PPP6R3: variants seen among roughly 807,000 people sequenced by gnomAD.
PPP6R3 encodes protein phosphatase 6 regulatory subunit 3, also known as serine/threonine-protein phosphatase 6 regulatory subunit 3.
A neutral mutation model predicts 110.7 loss-of-function variants in PPP6R3; 38 were observed. The observed-to-expected ratio is 0.34, with a 90% CI of 0.26 to 0.45. The LOEUF is 0.45. Among genes scored for constraint, PPP6R3 ranks in the 20% least tolerant of loss-of-function variants. The pLI is 1.00. For missense variants in PPP6R3, 870 were observed against 1,062.4 expected (o/e 0.82, Z 2.52); for synonymous variants, 369 against 373.5 (o/e 0.99, Z 0.14).
chr11:68,615,158 G>C lies in PPP6R3; in HGVS notation c.*2041G>C. 2.2e-6 allele frequency: 1 copy of C among 450,094 alleles called. No homozygotes were observed. The highest frequency in any genetic ancestry group is 4.5e-6 in the Non-Finnish European group (1 of 222,330). The allele number at this position is 450,094 out of a possible 1,614,324, so 27.9% of individuals were successfully genotyped here. ...AAAGGATATGACAATGGGGAGGACAGTTCTTTTGGAGGTTGGAGGGGCCAA... is the reference window on the plus strand; with the variant it reads ...AAAGGATATGACAATGGGGAGGACACTTCTTTTGGAGGTTGGAGGGGCCAA... On this transcript the variant is annotated 3_prime_UTR_variant, in exon 24 of 24. Transcript: ENST00000393800.
intron 2 of PPP6R3, among the ~76,000 whole-genome samples, chr11:68,533,191 G>A (rs973926469): frequency 1.3e-5 from 2 of 152,136 alleles, no homozygotes; most frequent in African/African-American, 4.8e-5. Flanking sequence ...ACACATAGAA[G>A]CGAAGGCCCA....
chr11:68,612,801 G>A (rs1030857024), intron 23 of PPP6R3: 13 of 517,382 alleles, frequency 2.5e-5, no homozygotes, highest in Non-Finnish European at 3.9e-5. Context: ...CTTGGAGGCC[G>A]CGGTGGGGCG....
At chr11:68,558,472 T>C in intron 7 of PPP6R3, 94 bp from the exon 8 acceptor site, 1 of 751,438 alleles carries the variant, frequency 1.3e-6, no homozygotes, top group East Asian at 2.6e-5. Context: ...GTATGAACTC[T>C]TCAGTGATGC....
In PPP6R3 at chr11:68,498,331, C is replaced by G. The variant is rs145029446; in HGVS notation, c.-157-21170C>G. Reference sequence around the variant, plus strand: ...TACCCAGCTCTAACAACCATACACTCAAGGCCAGTCTTGTCCCACTTAACT... The same window carrying G: ...TACCCAGCTCTAACAACCATACACTGAAGGCCAGTCTTGTCCCACTTAACT... On this transcript the variant is annotated intron_variant, in intron 1 of 23. Coordinates refer to ENST00000393800, the MANE Select transcript of PPP6R3 (RefSeq NM_001164161.2). 4.1e-3 allele frequency among the ~76,000 whole-genome samples: 630 copies of G among 152,302 alleles called. 2 individuals carry two copies. The highest frequency in any genetic ancestry group is 0.015 in the African/African-American group (603 of 41,568).
In PPP6R3 at chr11:68,506,414, C is replaced by CAAAAAAAAAAAAAAAAAAAAA. The variant is rs67739319; in HGVS notation, c.-157-13073_-157-13053dup. Among the ~76,000 whole-genome samples the CAAAAAAAAAAAAAAAAAAAAA allele has an allele frequency of 3.3e-4, 15 of 46,072 alleles. 1 individual carries two copies. The highest frequency in any genetic ancestry group is 4.3e-4 in the Non-Finnish European group (10 of 23,482). The allele number at this position is 46,072 out of a possible 152,430, so 30.2% of individuals were successfully genotyped here. On this transcript the variant is annotated intron_variant, in intron 1 of 23. Transcript: ENST00000393800. ...ACTGCTGCACCCAGCCCTTTATACT[C>CAAAAAAAAAAAAAAAAAAAAA]AAAAAAAAAAAAAAAAAAAAAAAAA...
In PPP6R3 at chr11:68,600,316, A is replaced by G. The variant is rs555592868; in HGVS notation, c.2039-25A>G. On this transcript the variant is annotated intron_variant, in intron 19 of 23. Coordinates refer to ENST00000393800, the MANE Select transcript of PPP6R3 (RefSeq NM_001164161.2). ...CATGAAACGACTGAAGTGTTTTCCA[A>G]ATAGAATTTCTCCCCTCTTTTTAGC... 42 of 1,607,704 alleles carry G rather than the reference A, an allele frequency of 2.6e-5. No individual in the cohort carries two copies. The African/African-American group carries it at 5.2e-4, about 20-fold the overall frequency.
rs556224456 is a variant in PPP6R3 at position 68,523,513 on chromosome 11, TG to T, written c.-7+3863del. On this transcript the variant is annotated intron_variant, in intron 2 of 23. Transcript: ENST00000393800. Reference sequence around the variant, plus strand: ...TATGGTCCTTTTTTTGTGTTGTTTTTGTGAGTCCCCCTCCTCCCCACCCACC... The same window carrying T: ...TATGGTCCTTTTTTTGTGTTGTTTTTTGAGTCCCCCTCCTCCCCACCCACC... Among the ~76,000 whole-genome samples, 667 of 152,288 alleles carry T rather than the reference TG, an allele frequency of 4.4e-3. 15 individuals carry two copies. The highest frequency in any genetic ancestry group is 1.1e-3 in the Non-Finnish European group (75 of 68,034).
At position 68,615,089 on chromosome 11, in the gene PPP6R3, A is replaced by ACTT. The variant is rs1386009898; in HGVS notation, c.*1973_*1975dup. 2.1e-6 allele frequency: 1 copy of ACTT among 467,482 alleles called. No individual in the cohort carries two copies. The highest frequency in any genetic ancestry group is 2.3e-5 in the Admixed American group (1 of 42,896). 29.0% of individuals were successfully genotyped at this position (467,482 alleles called of 1,614,324 possible). A position where few individuals can be genotyped will look rare whatever the true frequency, so the allele number is the denominator to read the frequency against. ...TGACTGCTGGGAGAGAGCCTCTGGGACTTTTCTTTGGGGCATCATTTTGTT... is the reference window on the plus strand; with the variant it reads ...TGACTGCTGGGAGAGAGCCTCTGGGACTTCTTTTCTTTGGGGCATCATTTTGTT... On this transcript the variant is annotated 3_prime_UTR_variant, in exon 24 of 24. Coordinates refer to ENST00000393800, the MANE Select transcript of PPP6R3 (RefSeq NM_001164161.2).
chr11:68,603,525 A>G (rs2099638202), intron 22 of PPP6R3, 33 bp downstream of exon 22: 1 of 1,613,458 alleles, frequency 6.2e-7, no homozygotes, highest in Non-Finnish European at 8.5e-7. Context: ...TGGTAGCTTC[A>G]GGTTATTGGG....
intron 1 of PPP6R3, among the ~76,000 whole-genome samples, chr11:68,474,445 C>T (rs941698195): frequency 6.6e-6 from 1 of 152,026 alleles, no homozygotes; most frequent in African/African-American, 2.4e-5. Flanking sequence ...AAAAGAAATG[C>T]TGTATTTTTC....
intron 1 of PPP6R3, among the ~76,000 whole-genome samples, chr11:68,512,373 C>A (rs534347286): frequency 6.6e-6 from 1 of 152,088 alleles, no homozygotes; most frequent in Non-Finnish European, 1.5e-5. Flanking sequence ...GTCTGGAGCA[C>A]CATAATCCCA....
chr11:68,546,804 G>C (rs536036277), intron 4 of PPP6R3, among the ~76,000 whole-genome samples: 6 of 152,266 alleles, frequency 3.9e-5, no homozygotes, highest in African/African-American at 1.4e-4. Context: ...GTGCTGTACT[G>C]TCCACCACAC....
chr11:68,478,647 G>GTTTTTTTTTTTTGT (rs2098861342), intron 1 of PPP6R3, among the ~76,000 whole-genome samples: 1 of 50,506 alleles, frequency 2.0e-5, no homozygotes, highest in African/African-American at 9.7e-5. Context: ...CACTTGGTAA[G>GTTTTTTTTTTTTGT]TTTTTTTTTT....
chr11:68,495,442 A>T (rs1315660759), intron 1 of PPP6R3, among the ~76,000 whole-genome samples: 5 of 152,146 alleles, frequency 3.3e-5, no homozygotes, highest in Non-Finnish European at 2.9e-5. Context: ...CACTTAGAAT[A>T]TTTTCATTAT....
Position 68,614,589 on chromosome 11 carries a change from C to CAA in PPP6R3, c.*1472_*1473insAA. The CAA allele has an allele frequency of 6.7e-7, 1 of 1,502,204 alleles. No homozygotes were observed. The highest frequency in any genetic ancestry group is 8.8e-7 in the Non-Finnish European group (1 of 1,134,234). The allele number at this position is 1,502,204 out of a possible 1,614,324, so 93.1% of individuals were successfully genotyped here. On this transcript the variant is annotated 3_prime_UTR_variant, in exon 24 of 24. Coordinates refer to ENST00000393800, the MANE Select transcript of PPP6R3 (RefSeq NM_001164161.2). ...TGCATATGGAAATAAAAGAATCAAA[C>CAA]GTCTAATGCCTTATTATTTCTGATT...
chr11:68,615,267 A>C lies in PPP6R3; in HGVS notation c.*2150A>C. The C allele has an allele frequency of 2.8e-6, 1 of 363,124 alleles. No individual in the cohort carries two copies. Among genetic ancestry groups the C allele is most frequent in the South Asian group, 2.1e-5 (1 of 48,436 alleles). 22.5% of individuals were successfully genotyped at this position (363,124 alleles called of 1,614,324 possible). A position where few individuals can be genotyped will look rare whatever the true frequency, so the allele number is the denominator to read the frequency against. On this transcript the variant is annotated 3_prime_UTR_variant, in exon 24 of 24. Transcript: ENST00000393800. Reference sequence around the variant, plus strand: ...GGCCATACTGAATTATGAGACTAACAGATGTCTACAATACAATACCTGTAT... The same window carrying C: ...GGCCATACTGAATTATGAGACTAACCGATGTCTACAATACAATACCTGTAT...
intron 1 of PPP6R3, among the ~76,000 whole-genome samples, chr11:68,503,538 T>C (rs2153491527): frequency 6.6e-6 from 1 of 152,236 alleles, no homozygotes; most frequent in South Asian, 2.1e-4. Flanking sequence ...GTGTGTGACA[T>C]CAGAGAAGCC....
At position 68,519,566 on chromosome 11, in the gene PPP6R3, G is replaced by A. The variant is rs181107203; in HGVS notation, c.-92G>A. 433 of 398,502 alleles carry A rather than the reference G, an allele frequency of 1.1e-3. 3 individuals carry two copies. The highest frequency in any genetic ancestry group is 7.9e-3 in the African/African-American group (385 of 48,708). The allele number at this position is 398,502 out of a possible 1,614,324, so 24.7% of individuals were successfully genotyped here. ...AATCTGCTAATGCAGTAAATTGGAG[G>A]AAAACTGTTACCAGGATAACCTGTA... On this transcript the variant is annotated 5_prime_UTR_variant, in exon 2 of 24. Coordinates refer to ENST00000393800, the MANE Select transcript of PPP6R3 (RefSeq NM_001164161.2).
Position 68,558,523 on chromosome 11 carries a change from A to T in PPP6R3, c.732-43A>T, listed in dbSNP as rs760258495. Reference sequence around the variant, plus strand: ...GTCTTTTTTTCTGAGGTTGTTGGTGATAAGTGATACTGCAGTTAGTGATTA... The same window carrying T: ...GTCTTTTTTTCTGAGGTTGTTGGTGTTAAGTGATACTGCAGTTAGTGATTA... On this transcript the variant is annotated intron_variant, in intron 7 of 23. Coordinates refer to ENST00000393800, the MANE Select transcript of PPP6R3 (RefSeq NM_001164161.2). The T allele has an allele frequency of 8.6e-6, 11 of 1,272,724 alleles. No homozygotes were observed. The Admixed American group carries it at 1.3e-4, about 15-fold the overall frequency. The allele number at this position is 1,272,724 out of a possible 1,614,324, so 78.8% of individuals were successfully genotyped here. A position where few individuals can be genotyped will look rare whatever the true frequency, so the allele number is the denominator to read the frequency against.
Sources: allele counts gnomAD v4.1 joint callset (sites outside exome capture counted in the v4.1 genomes callset), GRCh38; gene constraint gnomAD v4.1.1; transcripts MANE v1.5; gene names NCBI Gene and HGNC (gene_info 2026-07-23, HGNC 2026-07-21).